BCAS1: variants seen among roughly 807,000 people sequenced by gnomAD.
The protein encoded by BCAS1 is brain enriched myelin associated protein 1, also known as breast carcinoma-amplified sequence 1.
In BCAS1, 46 loss-of-function variants were observed where a neutral mutation model predicts 65.4. The observed-to-expected ratio is 0.70, with a 90% CI of 0.55 to 0.90. BCAS1 has a LOEUF of 0.90. Among genes scored for constraint, BCAS1 ranks in the 40% least tolerant of loss-of-function variants. BCAS1 has a pLI of 0.00. For synonymous variants in BCAS1, 298 were observed against 293.5 expected (o/e 1.02, Z -0.16); for missense variants, 793 against 771.2 (o/e 1.03, Z -0.33).
chr20:53,966,877 G>A, intron 10 of BCAS1, 29 bp downstream of exon 10: 3 of 1,573,382 alleles, frequency 1.9e-6, no homozygotes, highest in African/African-American at 1.4e-5. Flanking sequence ...GGTATCTTAG[G>A]TTTCCTATAC....
chr20:53,967,175 G>T, intron 9 of BCAS1, 102 bp from the exon 10 acceptor site: 2 of 1,223,202 alleles, frequency 1.6e-6, no homozygotes, highest in Non-Finnish European at 2.3e-6. Flanking sequence ...CCACATAGTA[G>T]CTACAGTTTT....
intron 4 of BCAS1, among the ~76,000 whole-genome samples, chr20:54,022,105 A>G (rs1458891635): frequency 6.6e-6 from 1 of 152,174 alleles, no homozygotes; most frequent in Non-Finnish European, 1.5e-5. Flanking sequence ...TGTTAAAACC[A>G]CAAGGGACTA....
At chr20:54,052,664 T>C (rs1277389186) in intron 3 of BCAS1, among the ~76,000 whole-genome samples, 1 of 152,206 alleles carries the variant, frequency 6.6e-6, no homozygotes, top group Non-Finnish European at 1.5e-5. Context: ...GTCTGCCATC[T>C]GAGGACACAG....
rs767591023 is a variant in BCAS1 at position 54,028,674 on chromosome 20, C to T, written c.441G>A (p.Gly147=). 9 of 1,614,044 alleles carry T rather than the reference C, an allele frequency of 5.6e-6. No individual in the cohort carries two copies. The highest frequency in any genetic ancestry group is 7.6e-6 in the Non-Finnish European group (9 of 1,180,040). The change falls in exon 4 of 13, where the codon GGG becomes GGA. Residue 147 remains glycine (G), a synonymous_variant. Transcript: ENST00000688948. ...GCCCTGGGGTTTTATCTGTGTCCTG[C>T]CCCGGTCCAGCTGCCACCGGAAGTG... is the stretch of plus-strand genomic sequence containing the variant. ...SWTLPVAAGP[G]QDTDKTPGHA...
intron 9 of BCAS1, among the ~76,000 whole-genome samples, chr20:53,968,526 T>C (rs564676886): frequency 6.6e-6 from 1 of 152,270 alleles, no homozygotes; most frequent in Non-Finnish European, 1.5e-5. Context: ...AGTCTCTGTA[T>C]TGCCATTTGA....
Position 53,944,862 on chromosome 20 carries a change from TG to T in BCAS1, c.*59del, listed in dbSNP as rs1222159433. On this transcript the variant is annotated 3_prime_UTR_variant, in exon 13 of 13. Transcript: ENST00000688948. ...ACATGGAGCGTGTTTGGGGAGGAGATGGAGTAAGGAGAACACATCTTGGTGG... is the reference window on the plus strand; with the variant it reads ...ACATGGAGCGTGTTTGGGGAGGAGATGAGTAAGGAGAACACATCTTGGTGG... 4.3e-5 allele frequency: 62 copies of T among 1,457,038 alleles called. No individual in the cohort carries two copies. Among genetic ancestry groups the T allele is most frequent in the Non-Finnish European group, 5.5e-5 (57 of 1,037,094 alleles). 90.3% of individuals were successfully genotyped at this position (1,457,038 alleles called of 1,614,324 possible). A position where few individuals can be genotyped will look rare whatever the true frequency, so the allele number is the denominator to read the frequency against.
intron 9 of BCAS1, among the ~76,000 whole-genome samples, chr20:53,973,426 T>C (rs562962570): frequency 6.6e-6 from 1 of 152,348 alleles, no homozygotes; most frequent in African/African-American, 2.4e-5. Context: ...ATAATTTAAC[T>C]TTTAATTCCT....
intron 2 of BCAS1, 53 bp downstream of exon 2, chr20:54,058,594 T>TTG: frequency 3.0e-6 from 1 of 328,262 alleles, no homozygotes; most frequent in Non-Finnish European, 4.3e-6. Flanking sequence ...CAGGAAGTTC[T>TTG]TTTTTTTTTT....
rs184811665 is a variant in BCAS1, at chr20:53,975,388, C to T, written c.1317+1G>A. Reference sequence around the variant, plus strand: ...ATTCTGCCGTGGTGTGTGTAACTTACATTCTCCTCCGCACCTGTGGGGACT... The same window carrying T: ...ATTCTGCCGTGGTGTGTGTAACTTATATTCTCCTCCGCACCTGTGGGGACT... On this transcript the variant is annotated splice_donor_variant, in intron 9 of 12. Transcript: ENST00000688948. LOFTEE classifies it high-confidence loss of function. 3.7e-6 allele frequency: 6 copies of T among 1,611,622 alleles called. No individual in the cohort carries two copies. Among genetic ancestry groups the T allele is most frequent in the Non-Finnish European group, 5.1e-6 (6 of 1,178,106 alleles).
In BCAS1 at chr20:54,039,860, C is replaced by T. The variant is rs372693081; in HGVS notation, c.143-10888G>A. On this transcript the variant is annotated intron_variant, in intron 3 of 12. Coordinates refer to ENST00000688948, the MANE Select transcript of BCAS1 (RefSeq NM_001366298.2). ...AACTTTGTTTATACTCACACAAACA[C>T]GTATAAGCATCCCAGATACACATAT... 2.6e-4 allele frequency among the ~76,000 whole-genome samples: 39 copies of T among 151,444 alleles called. No homozygotes were observed. The East Asian group carries it at 3.5e-3, about 13-fold the overall frequency.
intron 4 of BCAS1, among the ~76,000 whole-genome samples, chr20:54,025,780 T>C (rs1409365531): frequency 6.6e-6 from 1 of 151,986 alleles, no homozygotes; most frequent in Non-Finnish European, 1.5e-5. Flanking sequence ...AAGCCACTGA[T>C]TGAGAAGTTT....
At chr20:53,974,820 T>C (rs1479181571) in intron 9 of BCAS1, among the ~76,000 whole-genome samples, 1 of 152,220 alleles carries the variant, frequency 6.6e-6, no homozygotes, top group Admixed American at 6.5e-5. Context: ...ATGAACTGTC[T>C]TGAAAATTTT....
In BCAS1 at chr20:53,944,202, T is replaced by C. The variant is rs1284611088; in HGVS notation, c.*720A>G. 6.6e-6 allele frequency: 1 copy of C among 152,200 alleles called. No homozygotes were observed. The highest frequency in any genetic ancestry group is 2.4e-5 in the African/African-American group (1 of 41,430). The allele number at this position is 152,200 out of a possible 1,614,324, so 9.4% of individuals were successfully genotyped here. A position where few individuals can be genotyped will look rare whatever the true frequency, so the allele number is the denominator to read the frequency against. On this transcript the variant is annotated 3_prime_UTR_variant, in exon 13 of 13. Transcript: ENST00000688948. ...GTTCTCCCTCCTTGAGATGTGAATTTAAACAAATGGATTTTCGTCTCCCTT... is the reference window on the plus strand; with the variant it reads ...GTTCTCCCTCCTTGAGATGTGAATTCAAACAAATGGATTTTCGTCTCCCTT...
In BCAS1 at chr20:53,955,169, C is replaced by T. The variant is rs145804845; in HGVS notation, c.1552-1474G>A. ...TCTTTTCACACCAGTGAATCATGCA[C>T]GCCCCTTAGAAGTAAGCGGGAAGAC... On this transcript the variant is annotated intron_variant, in intron 11 of 12. Transcript: ENST00000688948. Among the ~76,000 whole-genome samples, 90 of 152,296 alleles carry T rather than the reference C, an allele frequency of 5.9e-4. 1 individual carries two copies. The highest frequency in any genetic ancestry group is 2.1e-3 in the African/African-American group (87 of 41,558).
At chr20:54,020,679 G>A (rs1355988164) in intron 4 of BCAS1, among the ~76,000 whole-genome samples, 5 of 152,298 alleles carry the variant, frequency 3.3e-5, no homozygotes, top group African/African-American at 9.6e-5. Flanking sequence ...AAATGGTCAC[G>A]TCTCTTAAGA....
At chr20:54,055,368 A>G (rs290426) in intron 3 of BCAS1, among the ~76,000 whole-genome samples, 3,341 of 152,288 alleles carry the variant, frequency 0.022, 86 homozygotes, top group East Asian at 0.1. Context: ...GGGAGGCCTC[A>G]GAATCATGGC....
rs79148233 is a variant in BCAS1, at chr20:53,965,539, T to C, written c.1485+1367A>G. On this transcript the variant is annotated intron_variant, in intron 10 of 12. Transcript: ENST00000688948. Reference sequence around the variant, plus strand: ...TGGCTGTTTAGTCATTTAATGTGCATTGCTTTTTATAAACAGTAAATATAT... The same window carrying C: ...TGGCTGTTTAGTCATTTAATGTGCACTGCTTTTTATAAACAGTAAATATAT... 8.3e-3 allele frequency among the ~76,000 whole-genome samples: 1,260 copies of C among 152,376 alleles called. 4 individuals carry two copies. Among genetic ancestry groups the C allele is most frequent in the Non-Finnish European group, 0.014 (919 of 68,030 alleles).
At chr20:53,968,529 C>A (rs533544695) in intron 9 of BCAS1, among the ~76,000 whole-genome samples, 1 of 152,334 alleles carries the variant, frequency 6.6e-6, no homozygotes, top group Admixed American at 6.5e-5. Flanking sequence ...CTCTGTATTG[C>A]CATTTGATTC....
At chr20:53,961,815 C>T (rs1175257974) in intron 10 of BCAS1, among the ~76,000 whole-genome samples, 1 of 152,186 alleles carries the variant, frequency 6.6e-6, no homozygotes, top group African/African-American at 2.4e-5. Context: ...CTGGCTCTCC[C>T]GCTTACCAGC....
Sources: allele counts gnomAD v4.1 joint callset (sites outside exome capture counted in the v4.1 genomes callset), GRCh38; gene constraint gnomAD v4.1.1; transcripts MANE v1.5; gene names NCBI Gene and HGNC (gene_info 2026-07-23, HGNC 2026-07-21).